CDH13: variants seen among roughly 807,000 people sequenced by gnomAD.
CDH13 encodes cadherin 13, also known as cadherin-13.
Under a neutral mutation model 63.8 loss-of-function variants are expected in CDH13, and 24 were observed. That is an observed-to-expected ratio of 0.38 (90% CI 0.27 to 0.53). The LOEUF (loss-of-function observed/expected upper bound fraction) is 0.53, where lower values mean the gene tolerates loss of function less well. CDH13 is among the 20% of genes least tolerant of loss of function. The pLI is 0.85. For missense variants in CDH13, 1,049 were observed against 903.1 expected (o/e 1.16, Z -2.07); for synonymous variants, 503 against 355.3 (o/e 1.42, Z -4.67).
chr16:83,623,498 G>A (rs1910001714), intron 8 of CDH13, among the ~76,000 whole-genome samples: 1 of 152,164 alleles, frequency 6.6e-6, no homozygotes, highest in African/African-American at 2.4e-5. Flanking sequence ...CTTCGGCCTC[G>A]GAGCGGTGTG....
intron 6 of CDH13, among the ~76,000 whole-genome samples, chr16:83,424,186 C>G (rs542232526): frequency 1.3e-5 from 2 of 151,820 alleles, no homozygotes; most frequent in East Asian, 3.9e-4. Context: ...CTAACACGTA[C>G]TGAACAGTCT....
intron 1 of CDH13, among the ~76,000 whole-genome samples, chr16:82,786,181 G>A (rs1413622833): frequency 6.6e-6 from 1 of 152,158 alleles, no homozygotes; most frequent in Non-Finnish European, 1.5e-5. Context: ...TGCTTTACGA[G>A]GAAGTTAAGT....
At chr16:82,860,407 G>A (rs1469397856) in intron 2 of CDH13, among the ~76,000 whole-genome samples, 1 of 147,790 alleles carries the variant, frequency 6.8e-6, no homozygotes, top group African/African-American at 2.5e-5. Context: ...GGGCGGCGGT[G>A]TGCGTGTGTG....
intron 1 of CDH13, among the ~76,000 whole-genome samples, chr16:82,633,311 C>G (rs1002946123): frequency 6.6e-6 from 1 of 152,230 alleles, no homozygotes. Context: ...TTGCCAAGGC[C>G]TCCGGGAACA....
At chr16:82,841,373 G>C (rs2039003428) in intron 1 of CDH13, among the ~76,000 whole-genome samples, 1 of 152,188 alleles carries the variant, frequency 6.6e-6, no homozygotes, top group Non-Finnish European at 1.5e-5. Flanking sequence ...TAGTGTGGCT[G>C]AAAAGTCTGT....
intron 3 of CDH13, among the ~76,000 whole-genome samples, chr16:83,108,880 C>A (rs143685091): frequency 6.6e-6 from 1 of 152,126 alleles, no homozygotes; most frequent in African/African-American, 2.4e-5. Flanking sequence ...CTTGCCCTTC[C>A]GAGTCACAGG....
intron 1 of CDH13, among the ~76,000 whole-genome samples, chr16:82,737,817 A>G (rs1048627838): frequency 5.3e-5 from 8 of 152,318 alleles, no homozygotes; most frequent in Admixed American, 2.0e-4. Flanking sequence ...TAATTGACCT[A>G]CAAAAAATTG....
At chr16:83,333,410 A>T (rs988803657) in intron 5 of CDH13, among the ~76,000 whole-genome samples, 4 of 152,094 alleles carry the variant, frequency 2.6e-5, no homozygotes, top group Admixed American at 2.0e-4. Flanking sequence ...GGGTGGTCCT[A>T]TGGGGATGAT....
At chr16:82,874,341 C>G (rs1435027481) in intron 2 of CDH13, among the ~76,000 whole-genome samples, 4 of 152,124 alleles carry the variant, frequency 2.6e-5, no homozygotes, top group Non-Finnish European at 5.9e-5. Flanking sequence ...GAGTTGGCGT[C>G]TTCACATCCC....
At chr16:83,356,875 A>G (rs924226864) in intron 6 of CDH13, among the ~76,000 whole-genome samples, 11 of 152,214 alleles carry the variant, frequency 7.2e-5, no homozygotes, top group African/African-American at 2.2e-4. Context: ...AAAACCAAGT[A>G]TAGTACCCAA....
chr16:83,007,287 G>A (rs1056856287), intron 2 of CDH13, among the ~76,000 whole-genome samples: 6 of 152,274 alleles, frequency 3.9e-5, no homozygotes, highest in East Asian at 1.9e-4. Flanking sequence ...GCTAGGCACC[G>A]TGACAGGTGA....
At chr16:83,429,248 A>C (rs754998277) in intron 6 of CDH13, among the ~76,000 whole-genome samples, 2 of 152,148 alleles carry the variant, frequency 1.3e-5, no homozygotes, top group Non-Finnish European at 2.9e-5. Flanking sequence ...TTATGACAAG[A>C]GTGGCCCATT....
chr16:83,739,762 A>T (rs1340819174), intron 10 of CDH13, among the ~76,000 whole-genome samples: 2 of 152,190 alleles, frequency 1.3e-5, no homozygotes, highest in African/African-American at 2.4e-5. Context: ...GGGTCAACCA[A>T]TGCATGTTAA....
chr16:83,768,279 A>G (rs1914533163), intron 11 of CDH13, among the ~76,000 whole-genome samples: 2 of 150,838 alleles, frequency 1.3e-5, no homozygotes, highest in South Asian at 4.2e-4. Context: ...TGAAAAAAAA[A>G]TCTCAGTGTT....
At chr16:83,310,409 T>C (rs1245610808) in intron 5 of CDH13, among the ~76,000 whole-genome samples, 1 of 152,212 alleles carries the variant, frequency 6.6e-6, no homozygotes, top group Non-Finnish European at 1.5e-5. Context: ...GGTACATGTG[T>C]GCACATACAT....
intron 4 of CDH13, among the ~76,000 whole-genome samples, chr16:83,198,588 T>A (rs1254708555): frequency 6.6e-6 from 1 of 152,162 alleles, no homozygotes; most frequent in Non-Finnish European, 1.5e-5. Context: ...GACAAAATAA[T>A]GAGAAAGGGA....
At chr16:83,460,833 A>G (rs1448366250) in intron 6 of CDH13, among the ~76,000 whole-genome samples, 2 of 84,594 alleles carry the variant, frequency 2.4e-5, no homozygotes, top group Admixed American at 1.6e-4. Flanking sequence ...TGTTGTCTCT[A>G]CAAATAATTA....
At chr16:82,885,818 A>C (rs1208853643) in intron 2 of CDH13, among the ~76,000 whole-genome samples, 2 of 152,156 alleles carry the variant, frequency 1.3e-5, no homozygotes, top group Non-Finnish European at 2.9e-5. Context: ...CAGTCTTTAA[A>C]AAATGGGGTT....
chr16:82,694,625 T>G (rs965333370), intron 1 of CDH13, among the ~76,000 whole-genome samples: 3 of 152,172 alleles, frequency 2.0e-5, no homozygotes, highest in Admixed American at 2.0e-4. Flanking sequence ...TTTTGGTGAA[T>G]TTTCCCACTG....
Sources: gnomAD v4.1 joint callset for allele counts (sites outside exome capture counted in the v4.1 genomes callset) on GRCh38, gnomAD v4.1.1 for gene constraint, MANE v1.5 for transcripts, NCBI Gene and HGNC (gene_info 2026-07-23, HGNC 2026-07-21) for gene names.